Variants in PLXNA2 observed in about 807,000 individuals in gnomAD.
PLXNA2 encodes the protein plexin-A2.
Under a neutral mutation model 193.5 loss-of-function variants are expected in PLXNA2, and 91 were observed. The ratio of observed to expected loss-of-function variants is 0.47; its 90% CI spans 0.40 to 0.56. The LOEUF is 0.56. Ranked by LOEUF, PLXNA2 falls within the 20% of genes least tolerant of loss-of-function variation. The probability of loss-of-function intolerance (pLI) is 0.00; values close to 1 mark genes in which losing one functional copy is unlikely to be tolerated. For synonymous variants in PLXNA2, 997 were observed against 1,027.3 expected (o/e 0.97, Z 0.56); for missense variants, 1,995 against 2,503.2 (o/e 0.80, Z 4.33).
chr1:208,076,799 G>A (rs1335923988), intron 12 of PLXNA2, among the ~76,000 whole-genome samples: 2 of 152,184 alleles, frequency 1.3e-5, no homozygotes, highest in African/African-American at 4.8e-5. Context: ...ACAATTGGCA[G>A]AATATTAATA....
chr1:208,022,253 A>AT lies in PLXNA2; in HGVS notation c.*4989dup, dbSNP rs1664203993. The AT allele has an allele frequency of 6.6e-6, 1 of 152,506 alleles. No homozygotes were observed. The highest frequency in any genetic ancestry group is 1.5e-5 in the Non-Finnish European group (1 of 68,024). 9.4% of individuals were successfully genotyped at this position (152,506 alleles called of 1,614,324 possible). Reference sequence around the variant, plus strand: ...GCTGAACAATCGGGTTTATTTAAAGATTTAAGGTTTTTTTAATTCAGTAAA... The same window carrying AT: ...GCTGAACAATCGGGTTTATTTAAAGATTTTAAGGTTTTTTTAATTCAGTAAA... On this transcript the variant is annotated 3_prime_UTR_variant, in exon 32 of 32. Transcript: ENST00000367033.
chr1:208,232,186 A>T (rs1284827537), intron 1 of PLXNA2, among the ~76,000 whole-genome samples: 1 of 152,194 alleles, frequency 6.6e-6, no homozygotes, highest in Non-Finnish European at 1.5e-5. Flanking sequence ...GTGGTGGCAG[A>T]TGGAAAGGAT....
chr1:208,102,281 C>T lies in PLXNA2; in HGVS notation c.1607+866G>A, dbSNP rs567563357. ...CTGGCCCTCCGCCTCCGCCTCCACCCCAAACCCAGCTCATTTCATGGAGAT... is the reference window on the plus strand; with the variant it reads ...CTGGCCCTCCGCCTCCGCCTCCACCTCAAACCCAGCTCATTTCATGGAGAT... On this transcript the variant is annotated intron_variant, in intron 5 of 31. Transcript: ENST00000367033. Among the ~76,000 whole-genome samples, 324 of 152,362 alleles carry T rather than the reference C, an allele frequency of 2.1e-3. 2 individuals are homozygous for T. The highest frequency in any genetic ancestry group is 7.4e-3 in the African/African-American group (309 of 41,590).
intron 4 of PLXNA2, among the ~76,000 whole-genome samples, chr1:208,106,227 C>T (rs1259718229): frequency 6.6e-6 from 1 of 152,112 alleles, no homozygotes; most frequent in Non-Finnish European, 1.5e-5. Flanking sequence ...GTCACAGTGA[C>T]CGGGTGGAGA....
chr1:208,037,269 T>A (rs991595403), intron 26 of PLXNA2, among the ~76,000 whole-genome samples: 3 of 152,146 alleles, frequency 2.0e-5, no homozygotes, highest in African/African-American at 7.2e-5. Context: ...CACACTCATG[T>A]CCTCTGGGCA....
intron 17 of PLXNA2, among the ~76,000 whole-genome samples, chr1:208,049,698 A>T (rs1665193754): frequency 6.6e-6 from 1 of 152,198 alleles, no homozygotes; most frequent in Non-Finnish European, 1.5e-5. Flanking sequence ...TTCTGGACTT[A>T]GTTTCCTCTG....
intron 4 of PLXNA2, among the ~76,000 whole-genome samples, chr1:208,123,270 G>T (rs1667861011): frequency 6.6e-6 from 1 of 152,176 alleles, no homozygotes; most frequent in East Asian, 1.9e-4. Flanking sequence ...TAATTCAGAG[G>T]CAAGAAGGTG....
At chr1:208,118,431 A>C (rs1667705044) in intron 4 of PLXNA2, among the ~76,000 whole-genome samples, 1 of 152,222 alleles carries the variant, frequency 6.6e-6, no homozygotes. Context: ...TGATGGTTAA[A>C]TGTGACAACT....
chr1:208,164,699 C>G (rs1669239741), intron 3 of PLXNA2, among the ~76,000 whole-genome samples: 1 of 152,198 alleles, frequency 6.6e-6, no homozygotes, highest in South Asian at 2.1e-4. Flanking sequence ...AGCTGGAGCT[C>G]CCTTCATGCA....
At chr1:208,115,572 G>A (rs1238734129) in intron 4 of PLXNA2, among the ~76,000 whole-genome samples, 1 of 152,126 alleles carries the variant, frequency 6.6e-6, no homozygotes, top group Non-Finnish European at 1.5e-5. Context: ...CATGAAGGAT[G>A]GCATGGGTTA....
chr1:208,161,869 C>T (rs1467114017), intron 3 of PLXNA2, among the ~76,000 whole-genome samples: 3 of 152,178 alleles, frequency 2.0e-5, no homozygotes, highest in East Asian at 1.9e-4. Context: ...ATTAATTACG[C>T]GTCAACTACT....
intron 3 of PLXNA2, among the ~76,000 whole-genome samples, chr1:208,144,478 G>A (rs1318853678): frequency 1.3e-5 from 2 of 152,122 alleles, no homozygotes; most frequent in Non-Finnish European, 2.9e-5. Flanking sequence ...TCGTGGGGTG[G>A]GAAGCTCTGG....
chr1:208,162,668 C>T (rs751973572), intron 3 of PLXNA2, among the ~76,000 whole-genome samples: 1 of 152,048 alleles, frequency 6.6e-6, no homozygotes, highest in Non-Finnish European at 1.5e-5. Context: ...GGTACTGTTC[C>T]GTGTGCTTTA....
At chr1:208,147,189 T>A (rs1235708102) in intron 3 of PLXNA2, among the ~76,000 whole-genome samples, 2 of 152,068 alleles carry the variant, frequency 1.3e-5, no homozygotes, top group Non-Finnish European at 2.9e-5. Flanking sequence ...AACTGGCTAC[T>A]TTTTAATTTT....
Position 208,146,026 on chromosome 1 carries a change from G to T in PLXNA2, c.1372-3563C>A, listed in dbSNP as rs565987536. Among the ~76,000 whole-genome samples the T allele has an allele frequency of 7.2e-5, 11 of 152,316 alleles. No homozygotes were observed. The East Asian group carries it at 2.1e-3, about 29-fold the overall frequency. Reference sequence around the variant, plus strand: ...TCACCTTTCAAGATACGTATAGGGGGTCAGAGAAGATGGAGAGTAGGGGCC... The same window carrying T: ...TCACCTTTCAAGATACGTATAGGGGTTCAGAGAAGATGGAGAGTAGGGGCC... On this transcript the variant is annotated intron_variant, in intron 3 of 31. Coordinates refer to ENST00000367033, the MANE Select transcript of PLXNA2 (RefSeq NM_025179.4).
chr1:208,124,017 G>A (rs943925335), intron 4 of PLXNA2, among the ~76,000 whole-genome samples: 6 of 152,158 alleles, frequency 3.9e-5, no homozygotes, highest in Non-Finnish European at 7.3e-5. Context: ...CTGCACTGAC[G>A]TCTACCAACA....
At chr1:208,041,226 C>G (rs367561442) in intron 22 of PLXNA2, among the ~76,000 whole-genome samples, 2 of 152,206 alleles carry the variant, frequency 1.3e-5, no homozygotes, top group Non-Finnish European at 2.9e-5. Flanking sequence ...CTCCTCACCC[C>G]ACGTGGGGCC....
intron 2 of PLXNA2, among the ~76,000 whole-genome samples, chr1:208,211,446 C>T (rs1377518285): frequency 6.6e-6 from 1 of 152,176 alleles, no homozygotes; most frequent in East Asian, 1.9e-4. Flanking sequence ...GTAATCCCAG[C>T]ACTTTGGGAG....
At chr1:208,213,242 A>G (rs1316181544) in intron 2 of PLXNA2, among the ~76,000 whole-genome samples, 1 of 152,014 alleles carries the variant, frequency 6.6e-6, no homozygotes, top group Non-Finnish European at 1.5e-5. Flanking sequence ...TTGTTTTTCA[A>G]TATATTGTTA....
Sources: allele counts gnomAD v4.1 joint callset (sites outside exome capture counted in the v4.1 genomes callset), GRCh38; gene constraint gnomAD v4.1.1; transcripts MANE v1.5; gene names NCBI Gene and HGNC (gene_info 2026-07-23, HGNC 2026-07-21).